Variants in POLR1A observed in about 807,000 individuals in gnomAD.
POLR1A encodes the protein DNA-directed RNA polymerase I subunit RPA1.
POLR1A carries 84 observed loss-of-function variants against 205.3 expected under a neutral mutation model. The observed-to-expected ratio is 0.41, with a 90% CI of 0.34 to 0.49. The LOEUF (loss-of-function observed/expected upper bound fraction) is 0.49. Ranked by LOEUF, POLR1A falls within the 20% of genes least tolerant of loss-of-function variation. The pLI is 0.22. For synonymous variants in POLR1A, 799 were observed against 863.7 expected (o/e 0.93, Z 1.31); for missense variants, 1,645 against 2,204.5 (o/e 0.75, Z 5.08).
rs748751625 is a variant in POLR1A, at chr2:86,077,895, G to A, written c.1344C>T (p.Asp448=). 2 of 1,613,520 alleles carry A rather than the reference G, an allele frequency of 1.2e-6. No homozygotes were observed. The highest frequency in any genetic ancestry group is 2.2e-5 in the East Asian group (1 of 44,870). The change falls in exon 11 of 34, where the codon GAC becomes GAT. Residue 448 remains aspartate, a synonymous_variant. Coordinates refer to ENST00000263857, the MANE Select transcript of POLR1A (RefSeq NM_015425.6). ...CAATTTCGTTGGTGTTGATGTACAT[G>A]TCTGGGCAGATGACTGAGCGCGCAG... is the stretch of plus-strand genomic sequence containing the variant. ...DYAARSVICP[D]MYINTNEIGI... is the part of the protein sequence containing the mutation.
Position 86,041,619 on chromosome 2 carries a change from G to C in POLR1A, c.3572+270C>G, listed in dbSNP as rs560251190. ...GCCCCACCCACCACACCAAACCCAA[G>C]AGAGCAGACTTTCCTGCAAGCCTCC... is the stretch of plus-strand genomic sequence containing the variant. On this transcript the variant is annotated intron_variant, in intron 24 of 33. Transcript: ENST00000263857. Among the ~76,000 whole-genome samples the C allele has an allele frequency of 2.5e-4, 38 of 152,248 alleles. 1 individual carries two copies. Among genetic ancestry groups the C allele is most frequent in the African/African-American group, 9.2e-4 (38 of 41,530 alleles).
In POLR1A at chr2:86,070,666, G is replaced by A. The variant is rs1673159593; in HGVS notation, c.1612-394C>T. ...TGAAGACATAACCATAAAACCACTGGGTTTGAAAGGCATTGGCAGACTTTC... is the reference window on the plus strand; with the variant it reads ...TGAAGACATAACCATAAAACCACTGAGTTTGAAAGGCATTGGCAGACTTTC... On this transcript the variant is annotated intron_variant, in intron 12 of 33. Transcript: ENST00000263857. The surrounding 1 kb of genome is among the most constrained non-coding windows in gnomAD (Gnocchi z 4.4). Among the ~76,000 whole-genome samples the A allele has an allele frequency of 6.6e-6, 1 of 150,940 alleles. No individual in the cohort carries two copies. The highest frequency in any genetic ancestry group is 6.6e-5 in the Admixed American group (1 of 15,052).
rs1553436031 is a variant in POLR1A at position 86,068,387 on chromosome 2, G to GGGGGGA, written c.1866+1630_1866+1631insTCCCCC. On this transcript the variant is annotated intron_variant, in intron 13 of 33. Coordinates refer to ENST00000263857, the MANE Select transcript of POLR1A (RefSeq NM_015425.6). Reference sequence around the variant, plus strand: ...AACACGCACAGCCAAGCACATGGGCGGGGGGGGGGGGCGGGTGTCGTCCAA... The same window carrying GGGGGGA: ...AACACGCACAGCCAAGCACATGGGCGGGGGGAGGGGGGGGGGGCGGGTGTCGTCCAA... 1.1e-4 allele frequency among the ~76,000 whole-genome samples: 3 copies of GGGGGGA among 26,790 alleles called. 1 individual carries two copies. Among genetic ancestry groups the GGGGGGA allele is most frequent in the Non-Finnish European group, 3.8e-4 (3 of 7,824 alleles). 17.6% of individuals were successfully genotyped at this position (26,790 alleles called of 152,430 possible).
At chr2:86,047,383 C>T in intron 18 of POLR1A, 120 bp from the exon 19 acceptor site, 3 of 668,390 alleles carry the variant, frequency 4.5e-6, no homozygotes, top group South Asian at 3.6e-5. Flanking sequence ...ACCTAAGTAC[C>T]AAATCCCACT....
At chr2:86,075,469 CAGTT>C (rs2104417286) in intron 11 of POLR1A, among the ~76,000 whole-genome samples, 1 of 152,256 alleles carries the variant, frequency 6.6e-6, no homozygotes, top group Admixed American at 6.5e-5. Flanking sequence ...CCTTTTCTAC[CAGTT>C]AGTCTGAGGA....
intron 33 of POLR1A, 115 bp from the exon 34 acceptor site, chr2:86,027,638 T>G (rs1672293550): frequency 1.0e-6 from 1 of 953,050 alleles, no homozygotes; most frequent in South Asian, 1.3e-5. Context: ...CCTGAGTCTC[T>G]GAAGCTGATG....
chr2:86,037,891 G>C (rs1558763957), intron 27 of POLR1A, among the ~76,000 whole-genome samples: 1 of 152,202 alleles, frequency 6.6e-6, no homozygotes, highest in Non-Finnish European at 1.5e-5. Context: ...CATAGTAACA[G>C]GTGCCCCTTG....
In POLR1A at chr2:86,039,395, T is replaced by TGAGCACGG. The variant is rs1558764649; in HGVS notation, c.3800_3807dup (p.Asn1270ProfsTer9). 6.2e-7 allele frequency: 1 copy of TGAGCACGG among 1,614,094 alleles called. No individual in the cohort carries two copies. Among genetic ancestry groups the TGAGCACGG allele is most frequent in the Non-Finnish European group, 8.5e-7 (1 of 1,179,988 alleles). ...ACTCTCTTCAGGGCTTTCTTGGTGT[T>TGAGCACGG]GAGCACGGGCACGCTCATCATGGGT... On this transcript the variant is annotated frameshift_variant, in exon 26 of 34. Coordinates refer to ENST00000263857, the MANE Select transcript of POLR1A (RefSeq NM_015425.6). LOFTEE classifies it high-confidence loss of function.
intron 3 of POLR1A, among the ~76,000 whole-genome samples, chr2:86,097,237 A>AAAAAAAAAAAAAAAAC (rs1673721689): frequency 6.7e-6 from 1 of 148,342 alleles, no homozygotes; most frequent in African/African-American, 2.5e-5. Context: ...AAAAAAAAAA[A>AAAAAAAAAAAAAAAAC]AAAAAGCAAA....
intron 13 of POLR1A, 76 bp downstream of exon 13, chr2:86,069,942 G>A: frequency 6.6e-7 from 1 of 1,505,476 alleles, no homozygotes; most frequent in Middle Eastern, 2.4e-4. Flanking sequence ...ATGACCCCAG[G>A]GGCTGGCAGG....
chr2:86,073,596 G>T (rs1673219038), intron 12 of POLR1A, among the ~76,000 whole-genome samples: 1 of 152,092 alleles, frequency 6.6e-6, no homozygotes, highest in African/African-American at 2.4e-5. Flanking sequence ...GTTTCTTCTT[G>T]GACATTATGT....
intron 13 of POLR1A, among the ~76,000 whole-genome samples, chr2:86,068,037 G>A (rs1673111626): frequency 6.6e-6 from 1 of 152,106 alleles, no homozygotes; most frequent in African/African-American, 2.4e-5. Flanking sequence ...CATGTGATGA[G>A]GTCCACTTGG....
chr2:86,042,198 CAGAA>C, intron 23 of POLR1A, 95 bp from the exon 24 acceptor site: 2 of 872,772 alleles, frequency 2.3e-6, no homozygotes, highest in Non-Finnish European at 3.8e-6. Flanking sequence ...TAAAGGGAGA[CAGAA>C]AGAAACCTGA....
intron 27 of POLR1A, chr2:86,037,030 C>T (rs1672511514): frequency 6.6e-6 from 1 of 152,288 alleles, no homozygotes; most frequent in Admixed American, 6.5e-5. Context: ...AAACATCTAA[C>T]TCCGTCCACC....
intron 1 of POLR1A, among the ~76,000 whole-genome samples, chr2:86,104,001 G>A (rs1021803221): frequency 6.6e-6 from 1 of 152,210 alleles, no homozygotes; most frequent in African/African-American, 2.4e-5. Flanking sequence ...TAGGGCTGAA[G>A]AAGGGATGAT....
intron 2 of POLR1A, 61 bp from the exon 3 acceptor site, chr2:86,098,821 T>A: frequency 6.5e-7 from 1 of 1,535,520 alleles, no homozygotes; most frequent in Non-Finnish European, 9.0e-7. Context: ...CCATGGTGAT[T>A]TTCGGTATAC....
rs1055985633 is a variant in POLR1A at position 86,068,396 on chromosome 2, G to T, written c.1866+1622C>A. 7.1e-5 allele frequency among the ~76,000 whole-genome samples: 8 copies of T among 112,792 alleles called. 3 individuals carry two copies. The highest frequency in any genetic ancestry group is 8.4e-4 in the South Asian group (2 of 2,382). The allele number at this position is 112,792 out of a possible 152,430, so 74.0% of individuals were successfully genotyped here. On this transcript the variant is annotated intron_variant, in intron 13 of 33. Transcript: ENST00000263857. ...AGCCAAGCACATGGGCGGGGGGGGG[G>T]GGCGGGTGTCGTCCAAAGCTGCTGG... is the stretch of plus-strand genomic sequence containing the variant.
rs76321724 is a variant in POLR1A at position 86,048,212 on chromosome 2, G to A, written c.2634+672C>T. ...TGGGCCCCAGGGCCCAGGAGGCAGGGTGAGGGCCAGGCCAGCTCCTCCAAG... is the reference window on the plus strand; with the variant it reads ...TGGGCCCCAGGGCCCAGGAGGCAGGATGAGGGCCAGGCCAGCTCCTCCAAG... On this transcript the variant is annotated intron_variant, in intron 18 of 33. Transcript: ENST00000263857. Among the ~76,000 whole-genome samples the A allele has an allele frequency of 7.0e-3, 1,065 of 152,332 alleles. 13 individuals are homozygous for A. The highest frequency in any genetic ancestry group is 0.024 in the African/African-American group (989 of 41,586).
Position 86,031,434 on chromosome 2 carries a change from G to A in POLR1A, c.4474C>T (p.Pro1492Ser), listed in dbSNP as rs1363470877. 6 of 1,614,066 alleles carry A rather than the reference G, an allele frequency of 3.7e-6. No individual in the cohort carries two copies. The highest frequency in any genetic ancestry group is 1.1e-5 in the South Asian group (1 of 91,082). Residue 1492 changes from proline (P) to serine (S), a missense_variant, in exon 30 of 34, where the codon CCC (proline) becomes TCC (serine). Pro to Ser is a moderately conservative substitution (Grantham distance 74). Around this residue, in one of 16 missense-constraint regions of POLR1A, gnomAD observed 394 missense variants for 468.5 expected, o/e 0.84. Coordinates refer to ENST00000263857, the MANE Select transcript of POLR1A (RefSeq NM_015425.6). The part of the protein sequence containing the change: ...QPRKPTHSQE[P>S]QGPEAMERRV... ...CGCTCCATGGCCTCGGGCCCCTGGG[G>A]CTCCTGGCTGTGGGTGGGTTTCCGG...
Sources: gnomAD v4.1 joint callset for allele counts (sites outside exome capture counted in the v4.1 genomes callset) on GRCh38, gnomAD v4.1.1 for gene constraint, gnomAD v4.1.1 regional missense constraint, Gnocchi (gnomAD v3.1) non-coding constraint, MANE v1.5 for transcripts, NCBI Gene and HGNC (gene_info 2026-07-23, HGNC 2026-07-21) for gene names.